The following TENM2 variants were observed in gnomAD, a reference collection of about 807,000 sequenced individuals.
TENM2 encodes teneurin transmembrane protein 2, also known as teneurin-2.
TENM2 carries 52 observed loss-of-function variants against 245.2 expected under a neutral mutation model. That is an observed-to-expected ratio of 0.21 (90% CI 0.17 to 0.27). The LOEUF is 0.27. Ranked by LOEUF, TENM2 falls within the 10% of genes least tolerant of loss-of-function variation. The probability of loss-of-function intolerance (pLI) is 1.00; values close to 1 mark genes in which losing one functional copy is unlikely to be tolerated. For missense variants in TENM2, 3,046 were observed against 3,666.8 expected (o/e 0.83, Z 4.37); for synonymous variants, 1,363 against 1,438.9 (o/e 0.95, Z 1.19).
At chr5:167,326,079 G>A (rs1044684657) in intron 1 of TENM2, among the ~76,000 whole-genome samples, 4 of 151,924 alleles carry the variant, frequency 2.6e-5, no homozygotes, top group Admixed American at 1.3e-4. Flanking sequence ...AGGGTGAGGG[G>A]CATTCTGAGT....
intron 3 of TENM2, among the ~76,000 whole-genome samples, chr5:167,881,044 A>G (rs1464140180): frequency 6.6e-6 from 1 of 152,156 alleles, no homozygotes; most frequent in Non-Finnish European, 1.5e-5. Context: ...TCTGGCCCCT[A>G]ATATCCATCC....
At chr5:167,576,120 AT>A (rs1254538143) in intron 2 of TENM2, among the ~76,000 whole-genome samples, 1 of 152,200 alleles carries the variant, frequency 6.6e-6, no homozygotes, top group Non-Finnish European at 1.5e-5. Context: ...CGACTTGGCT[AT>A]TTGCCTCACC....
exon 27 of TENM2, chr5:168,246,771 G>T (rs763349557): frequency 1.2e-6 from 2 of 1,613,650 alleles, no homozygotes; most frequent in Non-Finnish European, 1.7e-6. Context: ...TGGTCCTCCT[G>T]CTTCAGAGCC....
the TENM2 span, among the ~76,000 whole-genome samples, chr5:167,228,353 C>T: frequency 4.6e-5 from 7 of 151,362 alleles, no homozygotes; most frequent in African/African-American, 1.2e-4. Context: ...TCTGCTTGAT[C>T]GTGTCTATTG....
At chr5:168,156,690 C>A (rs1757215422) in intron 12 of TENM2, among the ~76,000 whole-genome samples, 1 of 152,090 alleles carries the variant, frequency 6.6e-6, no homozygotes, top group African/African-American at 2.4e-5. Context: ...AAAAGCCTGC[C>A]TAGCTGGTAA....
intron 2 of TENM2, among the ~76,000 whole-genome samples, chr5:167,863,306 A>G (rs1771996806): frequency 6.6e-6 from 1 of 152,164 alleles, no homozygotes. Flanking sequence ...AGACAATGTC[A>G]TCACATTTCT....
In TENM2 at chr5:168,142,728, G is replaced by T. The variant is rs2152404144; in HGVS notation, c.2422+15762G>T. ...CTTTACCCCTTTCTCTTAAAATCCTGACAATACTTCCCAAGAAATGTGGTC... is the reference window on the plus strand; with the variant it reads ...CTTTACCCCTTTCTCTTAAAATCCTTACAATACTTCCCAAGAAATGTGGTC... On this transcript the variant is annotated intron_variant, in intron 12 of 28. Coordinates refer to ENST00000518659, the Ensembl canonical transcript of TENM2. Among the ~76,000 whole-genome samples, 4 of 152,288 alleles carry T rather than the reference G, an allele frequency of 2.6e-5. No homozygotes were observed. In the South Asian group the frequency reaches 8.3e-4, roughly 32 times the overall value.
chr5:167,812,699 AG>A (rs772725497), intron 2 of TENM2, among the ~76,000 whole-genome samples: 100 of 152,304 alleles, frequency 6.6e-4, no homozygotes, highest in Admixed American at 1.7e-3. Context: ...CTTCTTCTCC[AG>A]GCTTGCGCCT....
intron 12 of TENM2, among the ~76,000 whole-genome samples, chr5:168,138,775 G>A (rs1400745840): frequency 1.3e-5 from 2 of 152,236 alleles, no homozygotes; most frequent in African/African-American, 4.8e-5. Context: ...CCCTCCATCT[G>A]TTTCCAGATG....
intron 1 of TENM2, among the ~76,000 whole-genome samples, chr5:167,326,604 C>T (rs942807610): frequency 1.3e-5 from 2 of 151,324 alleles, no homozygotes; most frequent in Non-Finnish European, 2.9e-5. Flanking sequence ...ACCCAGGAGA[C>T]GGAGGTTGCA....
rs895331526 is a variant in TENM2, at chr5:167,691,585, C to T, written c.503-184401C>T. 5.3e-5 allele frequency among the ~76,000 whole-genome samples: 8 copies of T among 152,196 alleles called. 1 individual carries two copies. Among genetic ancestry groups the T allele is most frequent in the African/African-American group, 7.2e-5 (3 of 41,442 alleles). ...TCTTATTGTGCCAGTCTGCCTTCCC[C>T]GCTTCTGTCCCTCAGCAATCACCAC... On this transcript the variant is annotated intron_variant, in intron 2 of 28. Coordinates refer to ENST00000518659, the Ensembl canonical transcript of TENM2.
the TENM2 span, among the ~76,000 whole-genome samples, chr5:167,250,128 C>A: frequency 6.6e-6 from 1 of 152,028 alleles, no homozygotes; most frequent in Admixed American, 6.6e-5. Context: ...ATGTACACTT[C>A]TCAGATTCAC....
intron 2 of TENM2, among the ~76,000 whole-genome samples, chr5:167,728,311 T>C (rs931479661): frequency 6.6e-6 from 1 of 151,864 alleles, no homozygotes; most frequent in African/African-American, 2.4e-5. Flanking sequence ...TAATTTTAAA[T>C]GGAATGGCTG....
intron 8 of TENM2, among the ~76,000 whole-genome samples, chr5:168,092,848 A>G (rs1308839097): frequency 6.6e-6 from 1 of 152,192 alleles, no homozygotes; most frequent in Admixed American, 6.5e-5. Context: ...GAATTCAGAG[A>G]AGTGGTTCAT....
intron 13 of TENM2, chr5:168,185,336 G>A (rs1760291819): frequency 6.6e-6 from 1 of 152,202 alleles, no homozygotes; most frequent in Non-Finnish European, 1.5e-5. Context: ...TAGAGTGGGT[G>A]GCATGGTGAT....
At chr5:168,045,798 T>G (rs1283046418) in intron 5 of TENM2, among the ~76,000 whole-genome samples, 1 of 152,216 alleles carries the variant, frequency 6.6e-6, no homozygotes, top group Non-Finnish European at 1.5e-5. Context: ...ATCGTTATCT[T>G]GAAGCCACCA....
intron 5 of TENM2, among the ~76,000 whole-genome samples, chr5:168,036,814 C>G (rs1174016442): frequency 2.7e-5 from 4 of 149,586 alleles, no homozygotes; most frequent in South Asian, 2.1e-4. Context: ...CAAAATAAGT[C>G]TACTTGTATC....
chr5:167,631,279 A>G (rs540903872), intron 2 of TENM2, among the ~76,000 whole-genome samples: 1 of 152,286 alleles, frequency 6.6e-6, no homozygotes, highest in South Asian at 2.1e-4. Context: ...GAGGCAGGCA[A>G]ATGGGGCTAT....
chr5:167,769,694 T>A (rs753277665), intron 2 of TENM2, among the ~76,000 whole-genome samples: 5 of 152,168 alleles, frequency 3.3e-5, no homozygotes, highest in African/African-American at 4.8e-5. Context: ...CTATACTATG[T>A]CTGCAAATCA....
Sources: gnomAD v4.1 joint callset for allele counts (sites outside exome capture counted in the v4.1 genomes callset) on GRCh38, gnomAD v4.1.1 for gene constraint, MANE v1.5 for transcripts, NCBI Gene and HGNC (gene_info 2026-07-23, HGNC 2026-07-21) for gene names.